Variants in LRP6 observed in about 807,000 individuals in gnomAD.
The protein encoded by LRP6 is low-density lipoprotein receptor-related protein 6.
LRP6 carries 43 observed loss-of-function variants against 184.1 expected under a neutral mutation model. That is an observed-to-expected ratio of 0.23 (90% CI 0.18 to 0.30). The LOEUF (loss-of-function observed/expected upper bound fraction) is 0.30. LRP6 is among the 10% of genes least tolerant of loss of function. The probability of loss-of-function intolerance (pLI) is 1.00; values close to 1 mark genes in which losing one functional copy is unlikely to be tolerated. For missense variants in LRP6, 1,571 were observed against 2,005.3 expected, an observed-to-expected ratio of 0.78 and a Z score of 4.14; for synonymous variants, 719 against 684.9, an observed-to-expected ratio of 1.05 and a Z score of -0.78.
intron 7 of LRP6, among the ~76,000 whole-genome samples, chr12:12,170,023 G>A (rs1862989705): frequency 6.6e-6 from 1 of 152,116 alleles, no homozygotes; most frequent in Non-Finnish European, 1.5e-5. Context: ...AAATTTTCTA[G>A]TAGTCATATT....
At chr12:12,252,886 G>A (rs1459517766) in intron 1 of LRP6, among the ~76,000 whole-genome samples, 1 of 151,960 alleles carries the variant, frequency 6.6e-6, no homozygotes, top group East Asian at 1.9e-4. Flanking sequence ...TACATCTTAG[G>A]ATTATATGTC....
intron 2 of LRP6, among the ~76,000 whole-genome samples, chr12:12,241,196 C>T (rs1007526168): frequency 6.6e-6 from 1 of 152,162 alleles, no homozygotes; most frequent in African/African-American, 2.4e-5. Context: ...TCAATCAGCT[C>T]TTGTGAACCT....
At chr12:12,170,628 G>C (rs1176470877) in intron 7 of LRP6, among the ~76,000 whole-genome samples, 1 of 151,758 alleles carries the variant, frequency 6.6e-6, no homozygotes, top group Non-Finnish European at 1.5e-5. Context: ...AAAATTAATT[G>C]GTTCCTTTTT....
chr12:12,122,315 C>A (rs2136831794), intron 22 of LRP6, among the ~76,000 whole-genome samples: 1 of 152,240 alleles, frequency 6.6e-6, no homozygotes, highest in East Asian at 1.9e-4. Flanking sequence ...CCTGTTTATT[C>A]TAAATATGGT....
In LRP6 at chr12:12,266,909, C is replaced by G. The variant is rs990724872; in HGVS notation, c.-174G>C. ...GTTCCGCGCGCGCCGCCGCCGCCCT[C>G]TCTACCGCGCCGCTCGGCCCCGGGC... On this transcript the variant is annotated 5_prime_UTR_variant, in exon 1 of 23. Transcript: ENST00000261349. 9 of 645,478 alleles carry G rather than the reference C, an allele frequency of 1.4e-5. No homozygotes were observed. The highest frequency in any genetic ancestry group is 1.1e-4 in the African/African-American group (6 of 53,860). 40.0% of individuals were successfully genotyped at this position (645,478 alleles called of 1,614,324 possible). A position where few individuals can be genotyped will look rare whatever the true frequency, so the allele number is the denominator to read the frequency against.
chr12:12,120,809 T>C lies in LRP6; in HGVS notation c.*317A>G. 2 of 191,786 alleles carry C rather than the reference T, an allele frequency of 1.0e-5. No individual in the cohort carries two copies. Among genetic ancestry groups the C allele is most frequent in the Admixed American group, 1.1e-4 (2 of 17,714 alleles). The allele number at this position is 191,786 out of a possible 1,614,324, so 11.9% of individuals were successfully genotyped here. ...GTCAGTGATGCCTTTATTATTCCTG[T>C]TTCCTTTGTACTCAGTTGCTTCACT... On this transcript the variant is annotated 3_prime_UTR_variant, in exon 23 of 23. Transcript: ENST00000261349.
At position 12,181,268 on chromosome 12, in the gene LRP6, G is replaced by C. The variant is rs1863337508; in HGVS notation, c.1148C>G (p.Ala383Gly). ...TCCATCTATAAATGAACGGCGTATG[G>C]CCCTCACTTCATCATCAGTCCAGTA... ...YIYWTDDEVR[A>G]IRRSFIDGSG... The change falls in exon 6 of 23, where the codon GCC becomes GGC. Residue 383 changes from alanine to glycine, a missense_variant. Ala to Gly is a moderately conservative substitution (Grantham distance 60). Around this residue, in one of 4 missense-constraint regions of LRP6, gnomAD observed 640 missense variants for 851.9 expected, o/e 0.75. Coordinates refer to ENST00000261349, the MANE Select transcript of LRP6 (RefSeq NM_002336.3). 1 of 1,614,118 alleles carries C rather than the reference G, an allele frequency of 6.2e-7. No homozygotes were observed. The highest frequency in any genetic ancestry group is 2.2e-5 in the East Asian group (1 of 44,890).
chr12:12,151,594 C>T (rs1950081727), intron 12 of LRP6, among the ~76,000 whole-genome samples: 1 of 152,164 alleles, frequency 6.6e-6, no homozygotes, highest in African/African-American at 2.4e-5. Context: ...TCATAGTCAT[C>T]TTGTCCCTCT....
At chr12:12,177,555 G>GCA (rs1310048911) in intron 7 of LRP6, among the ~76,000 whole-genome samples, 2 of 152,080 alleles carry the variant, frequency 1.3e-5, no homozygotes, top group East Asian at 3.9e-4. Flanking sequence ...ACGAAGAGCT[G>GCA]CACTCTTTCT....
chr12:12,171,530 A>AT (rs1565596824), intron 7 of LRP6, among the ~76,000 whole-genome samples: 14 of 81,968 alleles, frequency 1.7e-4, no homozygotes, highest in African/African-American at 6.7e-4. Flanking sequence ...TCAAAAAAAA[A>AT]TAAAATAAAT....
intron 2 of LRP6, among the ~76,000 whole-genome samples, chr12:12,234,658 C>A (rs1864886846): frequency 6.6e-6 from 1 of 151,846 alleles, no homozygotes; most frequent in Non-Finnish European, 1.5e-5. Flanking sequence ...TGGTGAAACC[C>A]CGCCTCTACT....
intron 13 of LRP6, among the ~76,000 whole-genome samples, chr12:12,149,497 T>G (rs1054988832): frequency 1.3e-5 from 2 of 152,050 alleles, no homozygotes; most frequent in Admixed American, 6.5e-5. Context: ...CCTAGAAATA[T>G]CTCTAAAGCA....
chr12:12,142,624 A>G (rs1949950338), intron 15 of LRP6, among the ~76,000 whole-genome samples: 1 of 152,208 alleles, frequency 6.6e-6, no homozygotes, highest in African/African-American at 2.4e-5. Context: ...TATGTGGCCA[A>G]CAAAGCCTTG....
chr12:12,264,588 A>G (rs1037792028), intron 1 of LRP6, among the ~76,000 whole-genome samples: 2 of 152,194 alleles, frequency 1.3e-5, no homozygotes, highest in Admixed American at 6.5e-5. Flanking sequence ...TAAAGCCCCA[A>G]TTCTTTGTGG....
intron 18 of LRP6, among the ~76,000 whole-genome samples, chr12:12,131,388 G>A (rs998940005): frequency 9.9e-5 from 15 of 152,104 alleles, no homozygotes; most frequent in Non-Finnish European, 2.2e-4. Context: ...GATTACAGGC[G>A]TGAGCCACCA....
chr12:12,181,605 T>C (rs922375818), intron 5 of LRP6, among the ~76,000 whole-genome samples, 166 bp from the exon 6 acceptor site: 5 of 152,184 alleles, frequency 3.3e-5, no homozygotes, highest in East Asian at 1.9e-4. Flanking sequence ...TACAGTGAAA[T>C]AGAAGAGTCT....
chr12:12,237,910 C>T (rs1864964626), intron 2 of LRP6, among the ~76,000 whole-genome samples: 1 of 152,152 alleles, frequency 6.6e-6, no homozygotes, highest in Non-Finnish European at 1.5e-5. Flanking sequence ...GATTAGTTAA[C>T]AGTATTCTAT....
chr12:12,233,740 G>C (rs1185028193), intron 2 of LRP6, among the ~76,000 whole-genome samples: 3 of 152,162 alleles, frequency 2.0e-5, no homozygotes, highest in Non-Finnish European at 2.9e-5. Flanking sequence ...TTCATCGCAA[G>C]TTGTGTGAAA....
At position 12,135,307 on chromosome 12, in the gene LRP6, AGAG is replaced by A. The variant is rs750901201; in HGVS notation, c.3608-10_3608-8del. 6.2e-7 allele frequency: 1 copy of A among 1,608,098 alleles called. No homozygotes were observed. The highest frequency in any genetic ancestry group is 8.5e-7 in the Non-Finnish European group (1 of 1,176,060). On this transcript the variant is annotated splice_polypyrimidine_tract_variant and splice_region_variant and intron_variant, in intron 16 of 22. Coordinates refer to ENST00000261349, the MANE Select transcript of LRP6 (RefSeq NM_002336.3). ...TGAGCACAAGGGTGCTGTCCTGCAA[AGAG>A]AAGAGGTGAGGATGGGGAGAGGAGG... is the stretch of plus-strand genomic sequence containing the variant.
Sources: allele counts gnomAD v4.1 joint callset (sites outside exome capture counted in the v4.1 genomes callset), GRCh38; gene constraint gnomAD v4.1.1; regional missense constraint gnomAD v4.1.1; transcripts MANE v1.5; gene names NCBI Gene and HGNC (gene_info 2026-07-23, HGNC 2026-07-21).